The following ALCAM variants were observed in gnomAD, a reference collection of about 807,000 sequenced individuals.
ALCAM encodes the protein CD166 antigen.
ALCAM carries 30 observed loss-of-function variants against 70.9 expected under a neutral mutation model. The observed-to-expected ratio is 0.42, with a 90% confidence interval of 0.32 to 0.57. ALCAM has a LOEUF of 0.57. Among genes scored for constraint, ALCAM ranks in the 20% least tolerant of loss-of-function variants. The pLI is 0.11. For missense variants in ALCAM, 591 were observed against 695.1 expected, an observed-to-expected ratio of 0.85 and a Z score of 1.68; for synonymous variants, 249 against 242.5, an observed-to-expected ratio of 1.03 and a Z score of -0.25.
At chr3:105,525,174 A>C (rs1260269121) in intron 3 of ALCAM, 1 of 984,020 alleles carries the variant, frequency 1.0e-6, no homozygotes, top group Non-Finnish European at 1.2e-6. Flanking sequence ...AACTCACTAT[A>C]CCCTGAATGC....
chr3:105,541,736 T>C lies in ALCAM; in HGVS notation c.962T>C (p.Met321Thr), dbSNP rs201124902. 8.5e-5 allele frequency: 137 copies of C among 1,612,298 alleles called. No homozygotes were observed. In the East Asian group the frequency reaches 3.0e-3, roughly 35 times the overall value. ...TGTTCCCTGATAGACAAAAAAAGCA[T>C]GATTGCTTCAACAGCTATCACAGTT... ...YKCSLIDKKS[M>T]IASTAITVHY... The change falls in exon 8 of 16, where the codon ATG becomes ACG. Residue 321 changes from methionine to threonine, a missense_variant. Transcript: ENST00000306107.
chr3:105,520,053 T>A lies in ALCAM; in HGVS notation c.74-14T>A, dbSNP rs769003562. 56 of 1,535,424 alleles carry A rather than the reference T, an allele frequency of 3.6e-5. No individual in the cohort carries two copies. The highest frequency in any genetic ancestry group is 5.0e-5 in the Non-Finnish European group (56 of 1,127,670). ...TCTCTTTCTCTCTTCTTCCTTTTTT[T>A]TTTTCCCCCAAAGGCCTTGGATGGT... On this transcript the variant is annotated splice_polypyrimidine_tract_variant and intron_variant, in intron 1 of 15. Coordinates refer to ENST00000306107, the MANE Select transcript of ALCAM (RefSeq NM_001627.4).
At chr3:105,373,254 A>G (rs1285219721) in intron 1 of ALCAM, among the ~76,000 whole-genome samples, 1 of 152,170 alleles carries the variant, frequency 6.6e-6, no homozygotes, top group African/African-American at 2.4e-5. Flanking sequence ...GAAAACCAGT[A>G]ATATCAAATC....
chr3:105,502,759 A>G (rs995247395), intron 1 of ALCAM, among the ~76,000 whole-genome samples: 21 of 152,234 alleles, frequency 1.4e-4, no homozygotes, highest in African/African-American at 4.8e-4. Flanking sequence ...ATTCACTAGT[A>G]ACCAAAATTA....
intron 12 of ALCAM, among the ~76,000 whole-genome samples, chr3:105,551,253 A>G (rs1173191537): frequency 1.3e-5 from 2 of 151,732 alleles, no homozygotes; most frequent in Admixed American, 6.6e-5. Flanking sequence ...GACTTCTCAG[A>G]ATGCAATTCA....
At chr3:105,532,168 G>A (rs1939856550) in intron 4 of ALCAM, 102 bp downstream of exon 4, 1 of 994,328 alleles carries the variant, frequency 1.0e-6, no homozygotes, top group Non-Finnish European at 1.6e-6. Flanking sequence ...TGCTCTTGTG[G>A]AGATGACAGT....
chr3:105,416,537 A>G (rs1054291852), intron 1 of ALCAM, among the ~76,000 whole-genome samples: 1 of 152,004 alleles, frequency 6.6e-6, no homozygotes, highest in African/African-American at 2.4e-5. Flanking sequence ...TAGTTCAGCA[A>G]TTGCATATTA....
intron 1 of ALCAM, among the ~76,000 whole-genome samples, chr3:105,495,261 G>T (rs772599007): frequency 5.3e-5 from 8 of 152,174 alleles, no homozygotes; most frequent in Admixed American, 4.6e-4. Context: ...AAGTAATTTA[G>T]CTCCTTGTTT....
At chr3:105,461,226 C>T (rs137890590) in intron 1 of ALCAM, among the ~76,000 whole-genome samples, 7 of 151,932 alleles carry the variant, frequency 4.6e-5, no homozygotes, top group African/African-American at 1.7e-4. Flanking sequence ...AAGAAGAATG[C>T]AGGCCAGTGT....
intron 1 of ALCAM, among the ~76,000 whole-genome samples, chr3:105,500,027 T>C (rs1938874835): frequency 6.6e-6 from 1 of 152,192 alleles, no homozygotes; most frequent in Non-Finnish European, 1.5e-5. Context: ...CAGAGCCTCT[T>C]TGTAGAAGGT....
At chr3:105,377,073 A>G (rs1471591959) in intron 1 of ALCAM, among the ~76,000 whole-genome samples, 1 of 152,188 alleles carries the variant, frequency 6.6e-6, no homozygotes, top group African/African-American at 2.4e-5. Flanking sequence ...CTTAAAAAAT[A>G]AAGTGGAAAC....
intron 6 of ALCAM, among the ~76,000 whole-genome samples, chr3:105,535,529 A>G (rs189272752): frequency 1.4e-4 from 22 of 152,260 alleles, no homozygotes; most frequent in Admixed American, 1.2e-3. Flanking sequence ...AAGTAGCTTA[A>G]TTACTCTACA....
At chr3:105,491,377 TGGCTCTTCATTA>T in intron 1 of ALCAM, among the ~76,000 whole-genome samples, 1 of 152,338 alleles carries the variant, frequency 6.6e-6, no homozygotes, top group Non-Finnish European at 1.5e-5. Flanking sequence ...AATTAACATT[TGGCTCTTCATTA>T]CTTAGGCAAA....
chr3:105,529,526 A>T (rs906849989), intron 3 of ALCAM, among the ~76,000 whole-genome samples: 2 of 152,184 alleles, frequency 1.3e-5, no homozygotes, highest in Admixed American at 6.6e-5. Flanking sequence ...AATATAGAGG[A>T]CTCAAAACAA....
intron 1 of ALCAM, among the ~76,000 whole-genome samples, chr3:105,418,520 A>G (rs990016902): frequency 3.3e-5 from 5 of 151,868 alleles, no homozygotes; most frequent in African/African-American, 1.2e-4. Context: ...AAAAACAGTT[A>G]ATGACAGTTC....
At chr3:105,532,206 A>G (rs1002684560) in intron 4 of ALCAM, 140 bp downstream of exon 4, 78 of 721,078 alleles carry the variant, frequency 1.1e-4, no homozygotes, top group Non-Finnish European at 8.6e-5. Context: ...GAAATTATCT[A>G]CAAGGCACAG....
intron 1 of ALCAM, among the ~76,000 whole-genome samples, chr3:105,378,035 AATC>A (rs1042738821): frequency 6.6e-6 from 1 of 151,994 alleles, no homozygotes; most frequent in African/African-American, 2.4e-5. Flanking sequence ...GCCTTAAGTA[AATC>A]ATCTTTTGAA....
intron 1 of ALCAM, among the ~76,000 whole-genome samples, chr3:105,368,254 A>AGAGAGAGAGAGAGAGAGAGG: frequency 2.0e-5 from 3 of 146,488 alleles, no homozygotes; most frequent in Non-Finnish European, 4.6e-5. Flanking sequence ...AGAGAGAGAG[A>AGAGAGAGAGAGAGAGAGAGG]GAGAGAGAGA....
chr3:105,422,444 G>T (rs192870586), intron 1 of ALCAM, among the ~76,000 whole-genome samples: 2 of 151,328 alleles, frequency 1.3e-5, no homozygotes, highest in Admixed American at 1.3e-4. Flanking sequence ...CTGAACTAAT[G>T]CACTTTTTGT....
Sources: gnomAD v4.1 joint callset for allele counts (sites outside exome capture counted in the v4.1 genomes callset) on GRCh38, gnomAD v4.1.1 for gene constraint, MANE v1.5 for transcripts, NCBI Gene and HGNC (gene_info 2026-07-23, HGNC 2026-07-21) for gene names.